Variants in NXPE2 observed in about 807,000 individuals in gnomAD.
The protein encoded by NXPE2 is NXPE family member 2.
A neutral mutation model predicts 34.4 loss-of-function variants in NXPE2; 34 were observed. The ratio of observed to expected loss-of-function variants is 0.99; its 90% CI spans 0.75 to 1.31. The LOEUF (loss-of-function observed/expected upper bound fraction) is 1.31. NXPE2 is among the 40% of genes most tolerant of loss of function. NXPE2 has a pLI of 0.00. For missense variants in NXPE2, 649 were observed against 672.5 expected (o/e 0.97, Z 0.39); for synonymous variants, 235 against 231.3 (o/e 1.02, Z -0.15).
chr11:114,786,818 G>A, the NXPE2 span, among the ~76,000 whole-genome samples: 4 of 151,642 alleles, frequency 2.6e-5, no homozygotes, highest in African/African-American at 9.7e-5. Context: ...GTTGGGAAGA[G>A]CCCCCCCATG....
the NXPE2 span, among the ~76,000 whole-genome samples, chr11:114,540,767 T>G: frequency 1.3e-5 from 2 of 149,500 alleles, no homozygotes; most frequent in Non-Finnish European, 1.5e-5. Context: ...GGAGGTAAGT[T>G]TCCTGGTTTT....
At chr11:114,783,445 C>T in the NXPE2 span, among the ~76,000 whole-genome samples, 20 of 152,274 alleles carry the variant, frequency 1.3e-4, no homozygotes, top group South Asian at 1.2e-3. Context: ...ACCCCAGAGC[C>T]GACTGATCTC....
chr11:114,782,052 G>A, the NXPE2 span, among the ~76,000 whole-genome samples: 1 of 152,106 alleles, frequency 6.6e-6, no homozygotes, highest in South Asian at 2.1e-4. Context: ...TGTTCTTCTT[G>A]TACACTTTAA....
At chr11:114,765,307 C>T in the NXPE2 span, among the ~76,000 whole-genome samples, 1 of 152,062 alleles carries the variant, frequency 6.6e-6, no homozygotes. Flanking sequence ...GTGTTTTTTA[C>T]AAAATAAAAA....
chr11:114,690,084 G>A (rs75391143), intron 2 of NXPE2, among the ~76,000 whole-genome samples: 25,529 of 151,976 alleles, frequency 0.17, 2,476 homozygotes, highest in South Asian at 0.21. Flanking sequence ...GGTCATTTAT[G>A]TTCAAGGTTA....
the NXPE2 span, chr11:114,530,401 T>C: frequency 6.2e-7 from 1 of 1,614,210 alleles, no homozygotes; most frequent in African/African-American, 1.3e-5. Context: ...TTGAAAATAA[T>C]TTTATCATAG....
the NXPE2 span, among the ~76,000 whole-genome samples, chr11:114,611,661 T>C: frequency 1.3e-5 from 2 of 150,680 alleles, no homozygotes; most frequent in Non-Finnish European, 1.5e-5. Flanking sequence ...ACCTGGTGGA[T>C]AATACGTGTT....
the NXPE2 span, among the ~76,000 whole-genome samples, chr11:114,608,807 C>T: frequency 2.6e-5 from 4 of 151,880 alleles, no homozygotes; most frequent in South Asian, 2.1e-4. Context: ...ATAAGTGTTG[C>T]CTCGTGGGTA....
the NXPE2 span, among the ~76,000 whole-genome samples, chr11:114,564,659 T>C: frequency 3.9e-5 from 6 of 152,126 alleles, no homozygotes; most frequent in Non-Finnish European, 8.8e-5. Flanking sequence ...ACCTGGGATC[T>C]GGGACTTGAA....
In NXPE2 at chr11:114,698,784, G is replaced by T. The variant is rs2135561409; in HGVS notation, c.866+6G>T. ...GAATGGAGGCTTTTCCACAGGTAAA[G>T]AGGCTTTTAAATACAATAGCAGATA... is the stretch of plus-strand genomic sequence containing the variant. On this transcript the variant is annotated splice_donor_region_variant and intron_variant, in intron 3 of 5. Transcript: ENST00000389586. 6.6e-7 allele frequency: 1 copy of T among 1,512,310 alleles called. No homozygotes were observed. Among genetic ancestry groups the T allele is most frequent in the East Asian group, 2.3e-5 (1 of 43,164 alleles). The allele number at this position is 1,512,310 out of a possible 1,614,324, so 93.7% of individuals were successfully genotyped here. A position where few individuals can be genotyped will look rare whatever the true frequency, so the allele number is the denominator to read the frequency against.
chr11:114,702,092 C>T (rs115474426), intron 3 of NXPE2, among the ~76,000 whole-genome samples: 2 of 152,084 alleles, frequency 1.3e-5, no homozygotes, highest in Non-Finnish European at 2.9e-5. Context: ...TTAAAAAAGT[C>T]TTCTTCTTTT....
chr11:114,637,407 C>T, the NXPE2 span, among the ~76,000 whole-genome samples: 1 of 152,030 alleles, frequency 6.6e-6, no homozygotes, highest in Admixed American at 6.6e-5. Context: ...TGGGTCTTGA[C>T]TCTTTATCCA....
the NXPE2 span, among the ~76,000 whole-genome samples, chr11:114,576,811 A>G: frequency 1.3e-5 from 2 of 151,824 alleles, no homozygotes; most frequent in African/African-American, 4.8e-5. Flanking sequence ...CAGATCTACC[A>G]TTTGATCCAG....
At chr11:114,572,162 G>C in the NXPE2 span, among the ~76,000 whole-genome samples, 2 of 152,112 alleles carry the variant, frequency 1.3e-5, no homozygotes, top group Non-Finnish European at 2.9e-5. Context: ...ATTCCTAGGG[G>C]AAGGGGGATT....
At chr11:114,596,888 C>T in the NXPE2 span, among the ~76,000 whole-genome samples, 2 of 152,144 alleles carry the variant, frequency 1.3e-5, no homozygotes, top group East Asian at 3.9e-4. Flanking sequence ...ATATGCTTGA[C>T]TTAAAGAACC....
the NXPE2 span, among the ~76,000 whole-genome samples, chr11:114,485,501 A>T: frequency 6.9e-6 from 1 of 145,196 alleles, no homozygotes; most frequent in African/African-American, 2.6e-5. Context: ...AAGTGTTGGG[A>T]TTACAGGCGT....
the NXPE2 span, chr11:114,584,356 G>C: frequency 4.7e-6 from 2 of 423,226 alleles, no homozygotes; most frequent in African/African-American, 2.1e-5. Context: ...GTGGCTGTTT[G>C]AGAACCTAGT....
the NXPE2 span, among the ~76,000 whole-genome samples, chr11:114,631,136 C>G: frequency 6.6e-6 from 1 of 151,950 alleles, no homozygotes; most frequent in South Asian, 2.1e-4. Context: ...GGATCTAGAA[C>G]TAGAAATACC....
chr11:114,773,288 C>CGCCCG, the NXPE2 span, among the ~76,000 whole-genome samples: 1 of 95,870 alleles, frequency 1.0e-5, no homozygotes, highest in East Asian at 4.2e-4. Flanking sequence ...CACCCCCCCC[C>CGCCCG]CACCCCATTC....
Sources: allele counts gnomAD v4.1 joint callset (sites outside exome capture counted in the v4.1 genomes callset), GRCh38; gene constraint gnomAD v4.1.1; transcripts MANE v1.5; gene names NCBI Gene and HGNC (gene_info 2026-07-23, HGNC 2026-07-21).